The following TMEM128 variants were observed in gnomAD, a reference collection of about 807,000 sequenced individuals.
TMEM128 encodes transmembrane protein 128.
A neutral mutation model predicts 19.7 loss-of-function variants in TMEM128; 16 were observed. The observed-to-expected ratio is 0.81, with a 90% CI of 0.55 to 1.23. The LOEUF (loss-of-function observed/expected upper bound fraction) is 1.23, where lower values mean the gene tolerates loss of function less well. TMEM128 is among the 50% of genes most tolerant of loss of function. TMEM128 has a pLI of 0.00. For missense variants in TMEM128, 237 were observed against 200.8 expected (o/e 1.18, Z -1.09); for synonymous variants, 98 against 75.8 (o/e 1.29, Z -1.52).
At chr4:4,237,069 T>A in intron 4 of TMEM128, 1 of 455,762 alleles carries the variant, frequency 2.2e-6, no homozygotes, top group South Asian at 1.6e-5. Context: ...GATCTCAGGA[T>A]GGGGTGATCT....
chr4:4,247,474 C>CA lies in TMEM128; in HGVS notation c.97+631dup, dbSNP rs34316989. On this transcript the variant is annotated intron_variant, in intron 1 of 4. Transcript: ENST00000382753. ...TAAAACATATGAGATAAAAAATATC[C>CA]AAAATGAAGTATCTGTCTCCCATCC... The CA allele has an allele frequency of 0.03, 38,841 of 1,289,000 alleles. 4,221 individuals carry two copies. The African/African-American group carries it at 0.31, about 10-fold the overall frequency. The allele number at this position is 1,289,000 out of a possible 1,614,324, so 79.8% of individuals were successfully genotyped here. A position where few individuals can be genotyped will look rare whatever the true frequency, so the allele number is the denominator to read the frequency against.
In TMEM128 at chr4:4,246,343, T is replaced by G; in HGVS notation, c.98A>C (p.Glu33Ala). 6.3e-7 allele frequency: 1 copy of G among 1,596,388 alleles called. No individual in the cohort carries two copies. The change falls in exon 2 of 5, where the codon GAA becomes GCA. Residue 33 changes from glutamate to alanine, a missense_variant and splice_region_variant. Glu to Ala is a moderately radical substitution (Grantham distance 107, BLOSUM62 -1). Coordinates refer to ENST00000382753, the MANE Select transcript of TMEM128 (RefSeq NM_001297551.2). ...CTTTTTCTCAACAGCTGTGGAGGTT[T>G]CTGCAAATAAGGGAGATTTCAACTT... ...QLDREGDAGP[E>A]TSTAVEKKEK... is the part of the protein sequence containing the mutation.
intron 3 of TMEM128, among the ~76,000 whole-genome samples, chr4:4,239,181 C>T (rs1429684126): frequency 6.6e-6 from 1 of 152,046 alleles, no homozygotes; most frequent in Admixed American, 6.5e-5. Flanking sequence ...TTTTTTTCCT[C>T]AGTGAGCAAG....
chr4:4,235,716 A>G lies in TMEM128; in HGVS notation c.*550T>C, dbSNP rs1484463626. On this transcript the variant is annotated 3_prime_UTR_variant, in exon 5 of 5. Transcript: ENST00000382753. The stretch of plus-strand genomic sequence containing the variant: ...GGTCCTGTCACCTAACAAAACTATC[A>G]TAAATATGAGATTATAGTAATTACT... The G allele has an allele frequency of 1.3e-5, 2 of 152,690 alleles. No individual in the cohort carries two copies. Among genetic ancestry groups the G allele is most frequent in the African/African-American group, 4.8e-5 (2 of 41,474 alleles). 9.5% of individuals were successfully genotyped at this position (152,690 alleles called of 1,614,324 possible). A position where few individuals can be genotyped will look rare whatever the true frequency, so the allele number is the denominator to read the frequency against.
At position 4,246,144 on chromosome 4, in the gene TMEM128, A is replaced by G. The variant is rs867370742; in HGVS notation, c.239+58T>C. On this transcript the variant is annotated intron_variant, in intron 2 of 4. Coordinates refer to ENST00000382753, the MANE Select transcript of TMEM128 (RefSeq NM_001297551.2). ...ACTGTTTGAAGAATTCAACTAACAA[A>G]ATATAACACGAAAAATCAGACTTGG... 1.9e-6 allele frequency: 3 copies of G among 1,541,116 alleles called. No homozygotes were observed. The East Asian group carries it at 6.9e-5, about 36-fold the overall frequency.
intron 2 of TMEM128, among the ~76,000 whole-genome samples, chr4:4,241,064 C>A (rs553114035): frequency 6.6e-6 from 1 of 152,124 alleles, no homozygotes; most frequent in East Asian, 1.9e-4. Context: ...AGTGCCTGGG[C>A]AACAAGAGTG....
chr4:4,245,929 C>T (rs193224874), intron 2 of TMEM128, among the ~76,000 whole-genome samples: 10 of 152,214 alleles, frequency 6.6e-5, no homozygotes, highest in Non-Finnish European at 8.8e-5. Flanking sequence ...GGACACAAGA[C>T]CTACTCTTAG....
chr4:4,242,522 AATT>A (rs1255913012), intron 2 of TMEM128, among the ~76,000 whole-genome samples: 2 of 134,622 alleles, frequency 1.5e-5, no homozygotes, highest in East Asian at 2.5e-4. Context: ...AGAAAAAAAA[AATT>A]TTTTTTTTTT....
chr4:4,241,353 C>T (rs1717950740), intron 2 of TMEM128, among the ~76,000 whole-genome samples: 1 of 152,168 alleles, frequency 6.6e-6, no homozygotes, highest in Non-Finnish European at 1.5e-5. Context: ...TGCCTTTTTA[C>T]TCCCTTCCAA....
intron 2 of TMEM128, among the ~76,000 whole-genome samples, chr4:4,244,905 G>T (rs576653378): frequency 6.6e-6 from 1 of 152,280 alleles, no homozygotes; most frequent in East Asian, 1.9e-4. Flanking sequence ...AGTGTTTAGG[G>T]AAAGTTTCTC....
intron 2 of TMEM128, among the ~76,000 whole-genome samples, chr4:4,242,484 T>A (rs980043446): frequency 6.6e-6 from 1 of 151,654 alleles, no homozygotes; most frequent in African/African-American, 2.4e-5. Flanking sequence ...TTTTAGACAT[T>A]TTTTTCCTTT....
At chr4:4,237,469 T>C (rs2108814139) in intron 4 of TMEM128, among the ~76,000 whole-genome samples, 1 of 152,214 alleles carries the variant, frequency 6.6e-6, no homozygotes, top group South Asian at 2.1e-4. Flanking sequence ...GGAGACTCTG[T>C]TTCTACAAAA....
At chr4:4,243,525 T>G (rs560747333) in intron 2 of TMEM128, among the ~76,000 whole-genome samples, 1 of 152,202 alleles carries the variant, frequency 6.6e-6, no homozygotes, top group South Asian at 2.1e-4. Context: ...TTAGCCATTT[T>G]CCAAAAGCAG....
At chr4:4,239,808 C>A (rs1308253684) in intron 3 of TMEM128, among the ~76,000 whole-genome samples, 1 of 152,208 alleles carries the variant, frequency 6.6e-6, no homozygotes, top group Non-Finnish European at 1.5e-5. Flanking sequence ...GGAATACACC[C>A]TGTACAAATC....
intron 2 of TMEM128, among the ~76,000 whole-genome samples, chr4:4,240,886 T>G (rs948235219): frequency 3.9e-5 from 6 of 152,200 alleles, no homozygotes; most frequent in African/African-American, 1.4e-4. Context: ...GAGACCAGCC[T>G]GACCAACACG....
At chr4:4,242,467 GGA>G (rs1717998988) in intron 2 of TMEM128, among the ~76,000 whole-genome samples, 1 of 151,682 alleles carries the variant, frequency 6.6e-6, no homozygotes, top group African/African-American at 2.4e-5. Flanking sequence ...TTACCCCTAA[GGA>G]GTCTTTTTAG....
At chr4:4,246,015 T>A (rs933737160) in intron 2 of TMEM128, among the ~76,000 whole-genome samples, 187 bp downstream of exon 2, 1 of 152,208 alleles carries the variant, frequency 6.6e-6, no homozygotes, top group Non-Finnish European at 1.5e-5. Context: ...CCAGACCTTA[T>A]TCATCTTATA....
chr4:4,246,115 G>T (rs1347131816), intron 2 of TMEM128, 87 bp downstream of exon 2: 3 of 1,390,674 alleles, frequency 2.2e-6, no homozygotes, highest in Non-Finnish European at 2.9e-6. Flanking sequence ...AGTAGTAGGT[G>T]CTTACTGTTT....
Position 4,235,801 on chromosome 4 carries a change from C to T in TMEM128, c.*465G>A, listed in dbSNP as rs1181999231. On this transcript the variant is annotated 3_prime_UTR_variant, in exon 5 of 5. Coordinates refer to ENST00000382753, the MANE Select transcript of TMEM128 (RefSeq NM_001297551.2). ...TTTATACACATCCAGTCATTTTATA[C>T]AAGGAACTGCTATCCCTTAAATGGA... The T allele has an allele frequency of 1.3e-5, 2 of 152,606 alleles. No homozygotes were observed. Among genetic ancestry groups the T allele is most frequent in the Non-Finnish European group, 2.9e-5 (2 of 68,038 alleles). 9.5% of individuals were successfully genotyped at this position (152,606 alleles called of 1,614,324 possible). A position where few individuals can be genotyped will look rare whatever the true frequency, so the allele number is the denominator to read the frequency against.
Sources: allele counts gnomAD v4.1 joint callset (sites outside exome capture counted in the v4.1 genomes callset), GRCh38; gene constraint gnomAD v4.1.1; transcripts MANE v1.5; gene names NCBI Gene and HGNC (gene_info 2026-07-23, HGNC 2026-07-21).